The following STARD13 variants were observed in gnomAD, a reference collection of about 807,000 sequenced individuals.
The protein encoded by STARD13 is StAR related lipid transfer domain containing 13, also known as stAR-related lipid transfer protein 13.
STARD13 carries 62 observed loss-of-function variants against 106.4 expected under a neutral mutation model. That is an observed-to-expected ratio of 0.58 (90% CI 0.48 to 0.72). STARD13 has a LOEUF of 0.72. STARD13 is among the 30% of genes least tolerant of loss of function. STARD13 has a pLI of 0.00. For missense variants in STARD13, 1,387 were observed against 1,424.0 expected (o/e 0.97, Z 0.42); for synonymous variants, 565 against 553.0 (o/e 1.02, Z -0.31).
chr13:33,473,990 G>A, the STARD13 span, among the ~76,000 whole-genome samples: 2 of 152,198 alleles, frequency 1.3e-5, no homozygotes. Context: ...TGTTGCAGCA[G>A]TTAGATTGCA....
the STARD13 span, among the ~76,000 whole-genome samples, chr13:33,489,221 TA>T: frequency 6.6e-6 from 1 of 152,174 alleles, no homozygotes; most frequent in Non-Finnish European, 1.5e-5. Flanking sequence ...GAATTGCTAA[TA>T]AAAAAAGATC....
the STARD13 span, among the ~76,000 whole-genome samples, chr13:33,629,151 T>C: frequency 6.6e-6 from 1 of 152,192 alleles, no homozygotes; most frequent in Non-Finnish European, 1.5e-5. Flanking sequence ...CTCCTCTACA[T>C]GAGGCTACCC....
the STARD13 span, among the ~76,000 whole-genome samples, chr13:33,361,884 A>G: frequency 6.6e-6 from 1 of 152,186 alleles, no homozygotes; most frequent in Non-Finnish European, 1.5e-5. Flanking sequence ...GGGGACACAG[A>G]GCCAAACTAT....
chr13:33,236,195 CTGAGAATGAATCA>C (rs1889180592), intron 1 of STARD13, among the ~76,000 whole-genome samples: 1 of 152,224 alleles, frequency 6.6e-6, no homozygotes, highest in African/African-American at 2.4e-5. Flanking sequence ...CTTCAGATTG[CTGAGAATGAATCA>C]TATCATTCCT....
chr13:33,584,829 A>T, the STARD13 span, among the ~76,000 whole-genome samples: 2 of 151,624 alleles, frequency 1.3e-5, no homozygotes, highest in Non-Finnish European at 2.9e-5. Flanking sequence ...CATGATAGGG[A>T]GTGAATTATC....
chr13:33,118,350 T>A, intron 7 of STARD13, 87 bp from the exon 8 acceptor site: 2 of 1,128,316 alleles, frequency 1.8e-6, no homozygotes, highest in East Asian at 2.3e-5. Flanking sequence ...CTGGATGAGC[T>A]GGAATTGCCT....
chr13:33,550,776 G>A, the STARD13 span, among the ~76,000 whole-genome samples: 1 of 152,094 alleles, frequency 6.6e-6, no homozygotes, highest in Non-Finnish European at 1.5e-5. Context: ...ACATATTCAA[G>A]GACTTCATAT....
At chr13:33,202,542 G>A (rs1205466637) in intron 1 of STARD13, among the ~76,000 whole-genome samples, 1 of 152,174 alleles carries the variant, frequency 6.6e-6, no homozygotes, top group African/African-American at 2.4e-5. Context: ...GCCTGTCTTT[G>A]CGGAGCCTAG....
At chr13:33,292,749 T>C (rs1289429705) in intron 1 of STARD13, among the ~76,000 whole-genome samples, 1 of 152,214 alleles carries the variant, frequency 6.6e-6, no homozygotes, top group East Asian at 1.9e-4. Context: ...ACAAATTATT[T>C]AGGGAAAGTA....
intron 1 of STARD13, among the ~76,000 whole-genome samples, chr13:33,199,687 T>C (rs536588607): frequency 6.6e-6 from 1 of 152,338 alleles, no homozygotes; most frequent in South Asian, 2.1e-4. Flanking sequence ...TGTTTAACTA[T>C]TTTGTGGTTT....
chr13:33,504,522 G>A, the STARD13 span, among the ~76,000 whole-genome samples: 5 of 149,720 alleles, frequency 3.3e-5, no homozygotes, highest in African/African-American at 4.9e-5. Flanking sequence ...ATCAAAGACC[G>A]CATGTTCTCA....
chr13:33,489,572 T>A, the STARD13 span, among the ~76,000 whole-genome samples: 1 of 152,208 alleles, frequency 6.6e-6, no homozygotes, highest in Non-Finnish European at 1.5e-5. Flanking sequence ...GATATAGACA[T>A]CTGAAAACAA....
the STARD13 span, among the ~76,000 whole-genome samples, chr13:33,661,661 C>A: frequency 2.6e-5 from 4 of 152,084 alleles, no homozygotes. Flanking sequence ...GCTTATAAAA[C>A]CATCAGATCT....
chr13:33,595,309 AC>A, the STARD13 span, among the ~76,000 whole-genome samples: 1 of 152,196 alleles, frequency 6.6e-6, no homozygotes, highest in Non-Finnish European at 1.5e-5. Flanking sequence ...TAAAAACAAA[AC>A]AAAAAACTCT....
chr13:33,162,277 G>C (rs915784478), intron 3 of STARD13, among the ~76,000 whole-genome samples: 1 of 152,160 alleles, frequency 6.6e-6, no homozygotes, highest in Non-Finnish European at 1.5e-5. Flanking sequence ...AAGGACCCTG[G>C]GCCTGGCCCA....
chr13:33,175,728 A>G (rs1320880046), intron 1 of STARD13, among the ~76,000 whole-genome samples: 1 of 152,196 alleles, frequency 6.6e-6, no homozygotes, highest in African/African-American at 2.4e-5. Flanking sequence ...ACCACTAGGA[A>G]GTCAGATTTC....
chr13:33,296,915 G>C lies in STARD13; in HGVS notation c.124+53375C>G, dbSNP rs190984940. Among the ~76,000 whole-genome samples, 785 of 152,308 alleles carry C rather than the reference G, an allele frequency of 5.2e-3. 4 individuals are homozygous for C. The highest frequency in any genetic ancestry group is 0.017 in the Middle Eastern group (5 of 294). On this transcript the variant is annotated intron_variant, in intron 1 of 5. Transcript: ENST00000567873. ...ATTATAGGCATGAGCCACTGCGCCC[G>C]GCCGAGTTCAACTTTTTAAAATTCC...
At chr13:33,260,187 C>A (rs899780031) in intron 1 of STARD13, among the ~76,000 whole-genome samples, 1 of 152,180 alleles carries the variant, frequency 6.6e-6, no homozygotes, top group African/African-American at 2.4e-5. Context: ...GTCTTTCTAA[C>A]TTTCCAGCTA....
the STARD13 span, among the ~76,000 whole-genome samples, chr13:33,489,375 G>C: frequency 1.8e-4 from 27 of 152,172 alleles, no homozygotes; most frequent in African/African-American, 5.3e-4. Flanking sequence ...TTATCTCTTG[G>C]TAAACCAAGT....
Sources: gnomAD v4.1 joint callset for allele counts (sites outside exome capture counted in the v4.1 genomes callset) on GRCh38, gnomAD v4.1.1 for gene constraint, MANE v1.5 for transcripts, NCBI Gene and HGNC (gene_info 2026-07-23, HGNC 2026-07-21) for gene names.